Variants in NREP observed in about 807,000 individuals in gnomAD.
The protein encoded by NREP is neuronal regeneration related protein.
Under a neutral mutation model 8.6 loss-of-function variants are expected in NREP, and 5 were observed. The ratio of observed to expected loss-of-function variants is 0.58; its 90% CI spans 0.30 to 1.22. The LOEUF is 1.22. Ranked by LOEUF, NREP falls within the 50% of genes most tolerant of loss-of-function variation. The pLI is 0.07. For missense variants in NREP, 86 were observed against 82.5 expected (o/e 1.04, Z -0.17); for synonymous variants, 27 against 28.0 (o/e 0.96, Z 0.11).
At chr5:111,945,343 A>C (rs1298987203) in intron 2 of NREP, among the ~76,000 whole-genome samples, 3 of 151,758 alleles carry the variant, frequency 2.0e-5, no homozygotes, top group Non-Finnish European at 4.4e-5. Context: ...CAGGTTTGTT[A>C]CATATGTATA....
chr5:111,748,899 A>G (rs995111907), intron 2 of NREP, among the ~76,000 whole-genome samples: 24 of 152,168 alleles, frequency 1.6e-4, no homozygotes, highest in African/African-American at 5.6e-4. Context: ...CGCAAGAAGA[A>G]AGTTAAACAT....
rs556002409 is a variant in NREP, at chr5:111,885,827, T to G, written c.135+89447A>C. On this transcript the variant is annotated intron_variant, in intron 2 of 3. Transcript: ENST00000395634. ...ACCTTATACAAAAATTAATTCAAGA[T>G]GAATTAAAGACTTAAACTTTAGACC... Among the ~76,000 whole-genome samples, 69 of 152,270 alleles carry G rather than the reference T, an allele frequency of 4.5e-4. No individual in the cohort carries two copies. In the East Asian group the frequency reaches 0.013, roughly 29 times the overall value.
At chr5:111,728,907 T>G (rs1748322562), downstream of NREP, 1 of 135,296 alleles carries the variant, frequency 7.4e-6, no homozygotes, top group Admixed American at 6.9e-5. Context: ...AGATCTCTTT[T>G]GGCAGGGAAA....
intron 2 of NREP, among the ~76,000 whole-genome samples, chr5:111,970,335 G>A (rs541412877): frequency 6.6e-6 from 1 of 152,224 alleles, no homozygotes; most frequent in South Asian, 2.1e-4. Flanking sequence ...GCATTGGTCT[G>A]AGTGTTTTTG....
At chr5:111,753,279 CAT>C (rs1266809662) in intron 2 of NREP, among the ~76,000 whole-genome samples, 1 of 149,816 alleles carries the variant, frequency 6.7e-6, no homozygotes, top group Non-Finnish European at 1.5e-5. Flanking sequence ...CAAGGAGGCC[CAT>C]ACACAGAACA....
At chr5:111,810,376 G>T (rs1007647062) in intron 2 of NREP, among the ~76,000 whole-genome samples, 5 of 152,178 alleles carry the variant, frequency 3.3e-5, no homozygotes, top group Non-Finnish European at 7.3e-5. Context: ...TAACCTTCCA[G>T]TTCCTGGGCC....
At chr5:111,826,405 C>G (rs897178495) in intron 2 of NREP, among the ~76,000 whole-genome samples, 9 of 152,198 alleles carry the variant, frequency 5.9e-5, no homozygotes, top group African/African-American at 2.2e-4. Flanking sequence ...ATAAATCTGG[C>G]TGCTGCTCAG....
chr5:111,926,922 G>A (rs1317675847), intron 2 of NREP, among the ~76,000 whole-genome samples: 2 of 151,258 alleles, frequency 1.3e-5, no homozygotes, highest in Non-Finnish European at 3.0e-5. Context: ...CGGAGGAGTG[G>A]GTCAGGCAGG....
At chr5:111,780,020 T>C (rs114095080) in intron 2 of NREP, among the ~76,000 whole-genome samples, 125 of 152,354 alleles carry the variant, frequency 8.2e-4, no homozygotes, top group African/African-American at 3.0e-3. Context: ...GTGCTGGCCG[T>C]GATCCAATGC....
rs1364528920 is a variant in NREP, at chr5:111,955,507, A to G, written c.135+19767T>C. Among the ~76,000 whole-genome samples, 5 of 139,698 alleles carry G rather than the reference A, an allele frequency of 3.6e-5. No individual in the cohort carries two copies. In the East Asian group the frequency reaches 1.0e-3, roughly 29 times the overall value. The allele number at this position is 139,698 out of a possible 152,430, so 91.6% of individuals were successfully genotyped here. A position where few individuals can be genotyped will look rare whatever the true frequency, so the allele number is the denominator to read the frequency against. ...CAAAAAACAAAAAACAAAAAAAAAA[A>G]ACACATTCGGTTCTAAGACTTGTGA... On this transcript the variant is annotated intron_variant, in intron 2 of 3. Coordinates refer to the NREP transcript ENST00000395634.
chr5:111,886,074 C>A (rs533451916), intron 2 of NREP, among the ~76,000 whole-genome samples: 281 of 152,302 alleles, frequency 1.8e-3, no homozygotes, highest in African/African-American at 6.5e-3. Context: ...ACCTACTCAT[C>A]TGACAAAGGG....
At chr5:111,742,836 C>G (rs1749766538) in intron 2 of NREP, among the ~76,000 whole-genome samples, 1 of 152,028 alleles carries the variant, frequency 6.6e-6, no homozygotes, top group South Asian at 2.1e-4. Flanking sequence ...TAGCACAAAG[C>G]AATCCACCTA....
intron 2 of NREP, among the ~76,000 whole-genome samples, chr5:111,891,340 G>T (rs185614918): frequency 2.0e-5 from 3 of 152,276 alleles, no homozygotes; most frequent in Admixed American, 6.5e-5. Context: ...GGGTTTCACT[G>T]TCCATATCAC....
At chr5:111,815,851 T>C (rs1752373622) in intron 2 of NREP, among the ~76,000 whole-genome samples, 1 of 152,092 alleles carries the variant, frequency 6.6e-6, no homozygotes, top group African/African-American at 2.4e-5. Flanking sequence ...AGAAAATACA[T>C]GTCAATTCAC....
chr5:111,808,055 T>A (rs1189958419), intron 2 of NREP, among the ~76,000 whole-genome samples: 1 of 152,232 alleles, frequency 6.6e-6, no homozygotes, highest in South Asian at 2.1e-4. Flanking sequence ...AATAGTTCTG[T>A]AGTCTTTTGC....
At chr5:111,892,879 A>T (rs1038170552) in intron 2 of NREP, among the ~76,000 whole-genome samples, 1 of 152,210 alleles carries the variant, frequency 6.6e-6, no homozygotes, top group African/African-American at 2.4e-5. Context: ...ATCTTTCATT[A>T]ACAAAAGCCA....
At chr5:111,748,262 C>T (rs1007530677) in intron 2 of NREP, among the ~76,000 whole-genome samples, 1 of 152,182 alleles carries the variant, frequency 6.6e-6, no homozygotes, top group African/African-American at 2.4e-5. Context: ...ACTTCCCAAA[C>T]ATTTGAGCCT....
At chr5:111,833,502 A>G (rs1752822925) in intron 2 of NREP, among the ~76,000 whole-genome samples, 1 of 152,228 alleles carries the variant, frequency 6.6e-6, no homozygotes, top group Non-Finnish European at 1.5e-5. Flanking sequence ...TATCTGGATT[A>G]ATGCCTCAGG....
intron 2 of NREP, chr5:111,738,418 C>T (rs936980777): frequency 6.6e-6 from 1 of 152,174 alleles, no homozygotes; most frequent in Non-Finnish European, 1.5e-5. Context: ...AAAGCTGTCT[C>T]GGTTTAAATG....
Sources: allele counts gnomAD v4.1 joint callset (sites outside exome capture counted in the v4.1 genomes callset), GRCh38; gene constraint gnomAD v4.1.1; transcripts MANE v1.5; gene names NCBI Gene and HGNC (gene_info 2026-07-23, HGNC 2026-07-21).